The following ANKRD6 variants were observed in gnomAD, a reference collection of about 807,000 sequenced individuals.
The protein encoded by ANKRD6 is ankyrin repeat domain 6.
Under a neutral mutation model 82.3 loss-of-function variants are expected in ANKRD6, and 56 were observed. The observed-to-expected ratio is 0.68, with a 90% CI of 0.55 to 0.85. The LOEUF (loss-of-function observed/expected upper bound fraction) is 0.85. Among genes scored for constraint, ANKRD6 ranks in the 40% least tolerant of loss-of-function variants. The pLI is 0.00. For missense variants in ANKRD6, 852 were observed against 907.6 expected, an observed-to-expected ratio of 0.94 and a Z score of 0.79; for synonymous variants, 347 against 352.1, an observed-to-expected ratio of 0.99 and a Z score of 0.16.
intron 2 of ANKRD6, among the ~76,000 whole-genome samples, chr6:89,578,777 A>G (rs1791759010): frequency 6.6e-6 from 1 of 152,162 alleles, no homozygotes; most frequent in Admixed American, 6.5e-5. Flanking sequence ...TAGTGCTCTT[A>G]TCGCTGAGAT....
Position 89,629,193 on chromosome 6 carries a change from G to C in ANKRD6, c.1567G>C (p.Ala523Pro), listed in dbSNP as rs145469631. ...LEQKLSGDSR[A>P]CRAKSTPSTC... is the part of the protein sequence containing the mutation. ...GCAGAAGCTTTCTGGAGATTCTAGG[G>C]CCTGCAGAGCTAAATCCACACCATC... is the stretch of plus-strand genomic sequence containing the variant. The change falls in exon 15 of 16, where the codon GCC becomes CCC. Residue 523 changes from alanine to proline, a missense_variant. Ala to Pro is a conservative substitution (Grantham distance 27, BLOSUM62 -1). Transcript: ENST00000339746. The C allele has an allele frequency of 1.5e-3, 2,462 of 1,613,796 alleles. 2 individuals are homozygous for C. The highest frequency in any genetic ancestry group is 1.9e-3 in the Non-Finnish European group (2,293 of 1,179,836).
chr6:89,439,004 G>A (rs7766344), intron 1 of ANKRD6, among the ~76,000 whole-genome samples: 78,460 of 151,746 alleles, frequency 0.52, 20,732 homozygotes, highest in African/African-American at 0.61. Flanking sequence ...TTGTATATAT[G>A]TATATACACT....
intron 1 of ANKRD6, among the ~76,000 whole-genome samples, chr6:89,529,482 T>A (rs1037980600): frequency 6.6e-6 from 1 of 152,216 alleles, no homozygotes; most frequent in African/African-American, 2.4e-5. Flanking sequence ...TGATCTTCTA[T>A]CCAGACCAAA....
chr6:89,471,359 C>CAAAAAAAAAAAAAAAA (rs568718441), intron 1 of ANKRD6, among the ~76,000 whole-genome samples: 6 of 57,004 alleles, frequency 1.1e-4, no homozygotes, highest in African/African-American at 2.6e-4. Flanking sequence ...ACAACAACAA[C>CAAAAAAAAAAAAAAAA]AAAAAAAAAA....
In ANKRD6 at chr6:89,566,890, C is replaced by T. The variant is rs932165476; in HGVS notation, c.-87C>T. On this transcript the variant is annotated 5_prime_UTR_variant, in exon 2 of 16. Transcript: ENST00000339746. ...TTCTGATGATTGTGAACATCTTTAC[C>T]TCTGGGTGCCAGGCCGGGCCAGTGA... 1.1e-5 allele frequency: 16 copies of T among 1,503,286 alleles called. No individual in the cohort carries two copies. The highest frequency in any genetic ancestry group is 1.0e-4 in the Admixed American group (5 of 49,524). The allele number at this position is 1,503,286 out of a possible 1,614,324, so 93.1% of individuals were successfully genotyped here.
chr6:89,529,575 C>A (rs1026366898), intron 1 of ANKRD6, among the ~76,000 whole-genome samples: 3 of 152,248 alleles, frequency 2.0e-5, no homozygotes, highest in African/African-American at 7.2e-5. Flanking sequence ...CCTTTAAGAA[C>A]TTTTCCTTTG....
At chr6:89,434,134 A>G (rs1444701657) in intron 1 of ANKRD6, among the ~76,000 whole-genome samples, 1 of 152,182 alleles carries the variant, frequency 6.6e-6, no homozygotes, top group Non-Finnish European at 1.5e-5. Flanking sequence ...GGCCCGTGAG[A>G]TGGAGTTCTG....
intron 6 of ANKRD6, among the ~76,000 whole-genome samples, chr6:89,613,526 G>A (rs1209140603): frequency 6.6e-6 from 1 of 152,170 alleles, no homozygotes; most frequent in African/African-American, 2.4e-5. Flanking sequence ...GGTCTCATGG[G>A]GAGCAGACGT....
intron 1 of ANKRD6, among the ~76,000 whole-genome samples, chr6:89,565,584 C>G (rs1273531986): frequency 1.3e-5 from 2 of 152,234 alleles, no homozygotes; most frequent in African/African-American, 4.8e-5. Context: ...GGCCAAACAA[C>G]CTGCCTGAAT....
At chr6:89,584,740 A>G (rs905197301) in intron 2 of ANKRD6, among the ~76,000 whole-genome samples, 2 of 152,238 alleles carry the variant, frequency 1.3e-5, no homozygotes, top group African/African-American at 4.8e-5. Context: ...CAAGTGCCTT[A>G]GCTCAGGCTG....
chr6:89,442,686 A>G (rs1183379886), intron 1 of ANKRD6, among the ~76,000 whole-genome samples: 1 of 149,806 alleles, frequency 6.7e-6, no homozygotes, highest in African/African-American at 2.4e-5. Context: ...TGAGGTGTGT[A>G]TTGGTTTGGT....
intron 1 of ANKRD6, among the ~76,000 whole-genome samples, chr6:89,546,492 C>A (rs1785115686): frequency 1.3e-5 from 2 of 152,136 alleles, no homozygotes; most frequent in African/African-American, 4.8e-5. Flanking sequence ...GAGATGGAGT[C>A]TCACTCTGTC....
At chr6:89,516,933 A>G (rs1252229687) in intron 1 of ANKRD6, among the ~76,000 whole-genome samples, 3 of 152,326 alleles carry the variant, frequency 2.0e-5, no homozygotes, top group East Asian at 3.8e-4. Flanking sequence ...CAGTGGCACA[A>G]TCATAGCTTA....
At position 89,537,683 on chromosome 6, in the gene ANKRD6, G is replaced by A. The variant is rs553488887; in HGVS notation, c.-143-29151G>A. On this transcript the variant is annotated intron_variant, in intron 1 of 15. Transcript: ENST00000339746. ...AATCCCAGCACTTGGGGATGCCGAG[G>A]TAGGAGGATTGCTTGACCAGCCTGG... 3.3e-5 allele frequency among the ~76,000 whole-genome samples: 5 copies of A among 151,806 alleles called. No individual in the cohort carries two copies. The South Asian group carries it at 8.3e-4, about 25-fold the overall frequency.
At chr6:89,528,682 G>C (rs2127986319) in intron 1 of ANKRD6, among the ~76,000 whole-genome samples, 1 of 152,338 alleles carries the variant, frequency 6.6e-6, no homozygotes, top group South Asian at 2.1e-4. Context: ...AGATCCATCA[G>C]AGCAGTCACT....
At chr6:89,527,601 CAAA>C (rs35855223) in intron 1 of ANKRD6, among the ~76,000 whole-genome samples, 2 of 45,682 alleles carry the variant, frequency 4.4e-5, no homozygotes, top group African/African-American at 8.7e-5. Context: ...GACTCCGTCT[CAAA>C]AAAAAAAAAA....
rs183427336 is a variant in ANKRD6, at chr6:89,614,080, G to A, written c.615+190G>A. ...TGGCCCTGGCTTATCTGGCCTGCTA[G>A]AGAAAGTGTGCCCTTATAATTCCTG... On this transcript the variant is annotated intron_variant, in intron 7 of 15. Transcript: ENST00000339746. 2.6e-3 allele frequency among the ~76,000 whole-genome samples: 397 copies of A among 152,338 alleles called. 2 individuals are homozygous for A. Among genetic ancestry groups the A allele is most frequent in the East Asian group, 1.5e-3 (8 of 5,192 alleles).
Position 89,618,002 on chromosome 6 carries a change from G to T in ANKRD6, c.763G>T (p.Val255Phe). 1 of 1,614,046 alleles carries T rather than the reference G, an allele frequency of 6.2e-7. No homozygotes were observed. The highest frequency in any genetic ancestry group is 8.5e-7 in the Non-Finnish European group (1 of 1,179,902). ...ETARYHNNPE[V>F]ALLLTKAPQV... ...TGCCCGCTACCACAATAACCCGGAA[G>T]TTGCTCTTCTCCTTACTAAAGCTCC... The change falls in exon 9 of 16, where the codon GTT (valine) becomes TTT (phenylalanine). Residue 255 changes from valine (V) to phenylalanine (F), a missense_variant. Transcript: ENST00000339746.
At chr6:89,452,389 C>T (rs184347466) in intron 1 of ANKRD6, among the ~76,000 whole-genome samples, 49 of 152,128 alleles carry the variant, frequency 3.2e-4, no homozygotes, top group African/African-American at 1.0e-3. Flanking sequence ...AGAAGCTATT[C>T]GATATTTAAG....
Sources: gnomAD v4.1 joint callset for allele counts (sites outside exome capture counted in the v4.1 genomes callset) on GRCh38, gnomAD v4.1.1 for gene constraint, MANE v1.5 for transcripts, NCBI Gene and HGNC (gene_info 2026-07-23, HGNC 2026-07-21) for gene names.